PCDH7: variants seen among roughly 807,000 people sequenced by gnomAD.
The protein encoded by PCDH7 is protocadherin-7.
A neutral mutation model predicts 58.9 loss-of-function variants in PCDH7; 17 were observed. The ratio of observed to expected loss-of-function variants is 0.29; its 90% CI spans 0.20 to 0.43. PCDH7 has a LOEUF of 0.43. PCDH7 is among the 20% of genes least tolerant of loss of function. PCDH7 has a pLI of 1.00. For synonymous variants in PCDH7, 664 were observed against 616.4 expected (o/e 1.08, Z -1.14); for missense variants, 1,274 against 1,441.0 (o/e 0.88, Z 1.88).
chr4:30,954,139 T>C (rs1747619795), intron 3 of PCDH7, among the ~76,000 whole-genome samples: 1 of 152,130 alleles, frequency 6.6e-6, no homozygotes, highest in Non-Finnish European at 1.5e-5. Context: ...TATGGATAGA[T>C]TATGGCACAC....
At chr4:30,877,071 A>G (rs987280107) in intron 1 of PCDH7, among the ~76,000 whole-genome samples, 2 of 152,114 alleles carry the variant, frequency 1.3e-5, no homozygotes. Flanking sequence ...TCATCTTAGT[A>G]GTGATTGAGA....
chr4:30,726,503 T>G (rs921866417), intron 1 of PCDH7, among the ~76,000 whole-genome samples: 1 of 151,988 alleles, frequency 6.6e-6, no homozygotes, highest in African/African-American at 2.4e-5. Flanking sequence ...CTCTATATGC[T>G]TGAATATTTA....
chr4:31,060,909 T>A (rs1045857586), intron 3 of PCDH7, among the ~76,000 whole-genome samples: 1 of 151,774 alleles, frequency 6.6e-6, no homozygotes, highest in Non-Finnish European at 1.5e-5. Context: ...TAAATTTCAC[T>A]ACAAATTTAG....
At chr4:30,984,905 A>G (rs1750842874) in intron 3 of PCDH7, among the ~76,000 whole-genome samples, 1 of 152,138 alleles carries the variant, frequency 6.6e-6, no homozygotes, top group South Asian at 2.1e-4. Flanking sequence ...CAAAGGCTAG[A>G]TTAGTAATAC....
chr4:30,954,412 A>T (rs1452324877), intron 3 of PCDH7, among the ~76,000 whole-genome samples: 1 of 151,872 alleles, frequency 6.6e-6, no homozygotes, highest in African/African-American at 2.4e-5. Flanking sequence ...GCTGACATAA[A>T]TTTTTTCTCT....
chr4:31,108,756 C>T (rs1355145341), intron 3 of PCDH7, among the ~76,000 whole-genome samples: 2 of 151,894 alleles, frequency 1.3e-5, no homozygotes, highest in African/African-American at 4.8e-5. Context: ...CACAACTACA[C>T]ATTGAGCATT....
intron 3 of PCDH7, among the ~76,000 whole-genome samples, chr4:31,051,812 C>A (rs1261460111): frequency 1.4e-5 from 2 of 140,564 alleles, no homozygotes; most frequent in African/African-American, 5.9e-5. Context: ...TTCTCAAAAC[C>A]AAAGCATTGT....
chr4:30,857,697 T>A (rs1237622035), intron 1 of PCDH7, among the ~76,000 whole-genome samples: 1 of 152,140 alleles, frequency 6.6e-6, no homozygotes, highest in African/African-American at 2.4e-5. Context: ...TCATTAAGTG[T>A]GTTTTCCTCT....
chr4:30,909,157 A>T (rs1383349406), intron 1 of PCDH7, among the ~76,000 whole-genome samples: 1 of 152,158 alleles, frequency 6.6e-6, no homozygotes, highest in Non-Finnish European at 1.5e-5. Context: ...CACTCAATAA[A>T]CTAGGTATTG....
intron 3 of PCDH7, among the ~76,000 whole-genome samples, chr4:31,084,804 T>A (rs898503576): frequency 7.0e-6 from 1 of 143,138 alleles, no homozygotes; most frequent in African/African-American, 2.6e-5. Flanking sequence ...GGGAGGAGAC[T>A]AGAGGAGAGG....
intron 3 of PCDH7, among the ~76,000 whole-genome samples, chr4:31,032,256 C>G (rs535086030): frequency 6.6e-6 from 1 of 152,202 alleles, no homozygotes; most frequent in Admixed American, 6.5e-5. Context: ...TCATGTGGCT[C>G]ATATTCTTTT....
intron 1 of PCDH7, among the ~76,000 whole-genome samples, chr4:30,908,417 A>G (rs928019301): frequency 5.3e-5 from 8 of 152,184 alleles, no homozygotes; most frequent in Non-Finnish European, 1.2e-4. Flanking sequence ...AGAAATTAGG[A>G]TAGCATCCTT....
intron 3 of PCDH7, among the ~76,000 whole-genome samples, chr4:31,051,331 C>A (rs1424912353): frequency 1.3e-5 from 2 of 152,074 alleles, no homozygotes; most frequent in Non-Finnish European, 2.9e-5. Context: ...GTTACTAGAG[C>A]TCCAGGAGTG....
chr4:31,132,402 G>A (rs988754840), intron 3 of PCDH7, among the ~76,000 whole-genome samples: 1 of 152,002 alleles, frequency 6.6e-6, no homozygotes, highest in South Asian at 2.1e-4. Context: ...GAGACTTTAT[G>A]TACTATTTTT....
chr4:30,860,136 T>G (rs1409145889), intron 1 of PCDH7, among the ~76,000 whole-genome samples: 1 of 152,164 alleles, frequency 6.6e-6, no homozygotes, highest in Non-Finnish European at 1.5e-5. Flanking sequence ...GCTCTCATTA[T>G]TCCCATTCTA....
chr4:30,935,389 A>G lies in PCDH7; in HGVS notation c.288-14731A>G, dbSNP rs981664231. ...CTTTTGAATTCGCTATTGGTTTCCA[A>G]TTCTCTAGACTAAGAGTACATGGGT... On this transcript the variant is annotated intron_variant, in intron 2 of 3. Coordinates refer to the PCDH7 transcript ENST00000509759. The G allele has an allele frequency of 6.5e-5, 57 of 875,100 alleles. No individual in the cohort carries two copies. The South Asian group carries it at 2.5e-3, about 38-fold the overall frequency. The allele number at this position is 875,100 out of a possible 1,614,324, so 54.2% of individuals were successfully genotyped here.
intron 1 of PCDH7, among the ~76,000 whole-genome samples, chr4:30,908,100 G>C (rs549169889): frequency 1.3e-5 from 2 of 152,036 alleles, no homozygotes; most frequent in African/African-American, 4.8e-5. Flanking sequence ...GGCCGGTTCG[G>C]GGGTGAGGGG....
intron 1 of PCDH7, among the ~76,000 whole-genome samples, chr4:30,762,091 G>T (rs1248258407): frequency 6.6e-6 from 1 of 152,064 alleles, no homozygotes; most frequent in African/African-American, 2.4e-5. Context: ...TAATGTGACT[G>T]CATTTATATA....
At chr4:30,762,848 C>G (rs1381579267) in intron 1 of PCDH7, among the ~76,000 whole-genome samples, 1 of 152,186 alleles carries the variant, frequency 6.6e-6, no homozygotes, top group Non-Finnish European at 1.5e-5. Flanking sequence ...GCTTATTTAT[C>G]TGTCATTAGA....
Sources: allele counts gnomAD v4.1 joint callset (sites outside exome capture counted in the v4.1 genomes callset), GRCh38; gene constraint gnomAD v4.1.1; transcripts MANE v1.5; gene names NCBI Gene and HGNC (gene_info 2026-07-23, HGNC 2026-07-21).